Variants in SH3RF3 observed in about 807,000 individuals in gnomAD.
The protein encoded by SH3RF3 is SH3 domain containing ring finger 3.
SH3RF3 carries 29 observed loss-of-function variants against 66.3 expected under a neutral mutation model. That is an observed-to-expected ratio of 0.44 (90% CI 0.33 to 0.60). SH3RF3 has a LOEUF of 0.60. Among genes scored for constraint, SH3RF3 ranks in the 20% least tolerant of loss-of-function variants. SH3RF3 has a pLI of 0.04. For synonymous variants in SH3RF3, 583 were observed against 532.0 expected, an observed-to-expected ratio of 1.10 and a Z score of -1.32; for missense variants, 1,194 against 1,190.9, an observed-to-expected ratio of 1.00 and a Z score of -0.04.
intron 2 of SH3RF3, among the ~76,000 whole-genome samples, chr2:109,368,825 G>T (rs1019928638): frequency 6.6e-6 from 1 of 151,026 alleles, no homozygotes; most frequent in Non-Finnish European, 1.5e-5. Flanking sequence ...GTGATATTTT[G>T]CTGTTGTGAC....
intron 9 of SH3RF3, among the ~76,000 whole-genome samples, chr2:109,491,364 C>T (rs1396943464): frequency 6.6e-6 from 1 of 152,154 alleles, no homozygotes; most frequent in African/African-American, 2.4e-5. Flanking sequence ...ACCCACTCGG[C>T]GTCTTAGAAT....
rs531225862 is a variant in SH3RF3 at position 109,155,560 on chromosome 2, C to G, written c.573+25447C>G. ...TCGTGATCCGCCTGCCTCAGCCTCC[C>G]AAAGTGCTGGGATTACAGGCCTGAG... On this transcript the variant is annotated intron_variant, in intron 1 of 9. Transcript: ENST00000309415. Among the ~76,000 whole-genome samples, 4 of 152,284 alleles carry G rather than the reference C, an allele frequency of 2.6e-5. No individual in the cohort carries two copies. The South Asian group carries it at 6.2e-4, about 24-fold the overall frequency.
chr2:109,449,554 C>CT, intron 8 of SH3RF3, 65 bp downstream of exon 8: 2 of 1,551,828 alleles, frequency 1.3e-6, no homozygotes, highest in Non-Finnish European at 1.7e-6. Flanking sequence ...CTTTTTGGCA[C>CT]TAGATGGCAG....
intron 1 of SH3RF3, among the ~76,000 whole-genome samples, chr2:109,198,155 A>G (rs1678551366): frequency 6.6e-6 from 1 of 152,170 alleles, no homozygotes; most frequent in Non-Finnish European, 1.5e-5. Flanking sequence ...AGTCCTGCCC[A>G]GTGCAGGGAT....
intron 1 of SH3RF3, among the ~76,000 whole-genome samples, chr2:109,167,178 T>C (rs954427778): frequency 1.3e-5 from 2 of 152,236 alleles, no homozygotes; most frequent in African/African-American, 4.8e-5. Context: ...TTCCATTTTT[T>C]CCAGAACCAG....
chr2:109,316,648 A>G (rs560253249), intron 1 of SH3RF3, among the ~76,000 whole-genome samples: 1 of 152,302 alleles, frequency 6.6e-6, no homozygotes, highest in East Asian at 1.9e-4. Flanking sequence ...CAGCCTTTCC[A>G]TCAGCATCAG....
At chr2:109,157,191 T>A (rs1677367243) in intron 1 of SH3RF3, among the ~76,000 whole-genome samples, 1 of 152,162 alleles carries the variant, frequency 6.6e-6, no homozygotes, top group Non-Finnish European at 1.5e-5. Flanking sequence ...ATCATAGTAT[T>A]GACTGGGGAT....
chr2:109,326,816 C>T (rs1682171480), intron 1 of SH3RF3, among the ~76,000 whole-genome samples: 1 of 152,196 alleles, frequency 6.6e-6, no homozygotes, highest in African/African-American at 2.4e-5. Flanking sequence ...TAGGGGGACG[C>T]CTGTCTCATG....
chr2:109,426,896 C>T (rs1449312365), intron 5 of SH3RF3, among the ~76,000 whole-genome samples: 1 of 152,030 alleles, frequency 6.6e-6, no homozygotes, highest in Non-Finnish European at 1.5e-5. Flanking sequence ...AAGACAAGAC[C>T]CTCTACCAGC....
At chr2:109,452,438 G>C (rs1306306410) in intron 8 of SH3RF3, among the ~76,000 whole-genome samples, 1 of 152,222 alleles carries the variant, frequency 6.6e-6, no homozygotes, top group Non-Finnish European at 1.5e-5. Context: ...AAGACAGTGA[G>C]CTCCTCACTC....
At chr2:109,361,419 AC>A (rs1417721272) in intron 2 of SH3RF3, among the ~76,000 whole-genome samples, 4 of 152,208 alleles carry the variant, frequency 2.6e-5, no homozygotes, top group African/African-American at 9.6e-5. Flanking sequence ...GGTAGAATTC[AC>A]TAGTGAACCT....
At chr2:109,459,266 A>G (rs1215379847) in intron 8 of SH3RF3, among the ~76,000 whole-genome samples, 1 of 152,200 alleles carries the variant, frequency 6.6e-6, no homozygotes, top group Non-Finnish European at 1.5e-5. Flanking sequence ...TTAACAAAAT[A>G]GGAGGAAATA....
intron 1 of SH3RF3, among the ~76,000 whole-genome samples, chr2:109,217,571 A>G (rs1205305869): frequency 6.6e-6 from 1 of 152,186 alleles, no homozygotes; most frequent in Non-Finnish European, 1.5e-5. Flanking sequence ...ATTTTTCTCT[A>G]CCAGGACCTA....
intron 1 of SH3RF3, among the ~76,000 whole-genome samples, chr2:109,145,324 G>A (rs1677068857): frequency 1.3e-5 from 2 of 152,128 alleles, no homozygotes; most frequent in Non-Finnish European, 2.9e-5. Flanking sequence ...CTTTAGTCCG[G>A]ACTTCATGCC....
At chr2:109,196,688 C>T (rs1678508730) in intron 1 of SH3RF3, among the ~76,000 whole-genome samples, 1 of 152,172 alleles carries the variant, frequency 6.6e-6, no homozygotes, top group Non-Finnish European at 1.5e-5. Flanking sequence ...GGGGCTGGCT[C>T]TGTGAATCCT....
rs117080857 is a variant in SH3RF3, at chr2:109,482,799, G to C, written c.2149-7806G>C. Among the ~76,000 whole-genome samples, 174 of 152,308 alleles carry C rather than the reference G, an allele frequency of 1.1e-3. 3 individuals are homozygous for C. The East Asian group carries it at 0.032, about 28-fold the overall frequency. On this transcript the variant is annotated intron_variant, in intron 8 of 9. Coordinates refer to ENST00000309415, the MANE Select transcript of SH3RF3 (RefSeq NM_001099289.3). ...ACTGATAACAGCAAGAGAGCAACAC[G>C]ATGCGGCGGTCACGTCTTCCACCAA...
chr2:109,398,471 T>A (rs913909144), intron 3 of SH3RF3, 119 bp from the exon 4 acceptor site: 1 of 911,644 alleles, frequency 1.1e-6, no homozygotes, highest in African/African-American at 1.7e-5. Context: ...CCCTGCAGTC[T>A]GACGGATTTG....
chr2:109,277,496 T>C (rs4676269), intron 1 of SH3RF3, among the ~76,000 whole-genome samples: 60,391 of 152,056 alleles, frequency 0.4, 12,093 homozygotes, highest in South Asian at 0.44. Flanking sequence ...GGGCAGCTGC[T>C]GCATCTCCGA....
At chr2:109,241,728 T>G (rs902177012) in intron 1 of SH3RF3, among the ~76,000 whole-genome samples, 12 of 152,084 alleles carry the variant, frequency 7.9e-5, no homozygotes, top group Admixed American at 2.0e-4. Context: ...TCTGCCAGTT[T>G]TCTGTTCCCA....
Sources: allele counts gnomAD v4.1 joint callset (sites outside exome capture counted in the v4.1 genomes callset), GRCh38; gene constraint gnomAD v4.1.1; transcripts MANE v1.5; gene names NCBI Gene and HGNC (gene_info 2026-07-23, HGNC 2026-07-21).